Variants in TSPAN11 observed in about 807,000 individuals in gnomAD.
TSPAN11 encodes tetraspanin 11.
In TSPAN11, 29 loss-of-function variants were observed where a neutral mutation model predicts 32.9. That is an observed-to-expected ratio of 0.88 (90% confidence interval 0.66 to 1.20). TSPAN11 has a LOEUF of 1.20. Among genes scored for constraint, TSPAN11 ranks in the 50% most tolerant of loss-of-function variants. The pLI, the probability that TSPAN11 is intolerant of heterozygous loss-of-function variation, is 0.00. For synonymous variants in TSPAN11, 140 were observed against 141.3 expected, an observed-to-expected ratio of 0.99 and a Z score of 0.07; for missense variants, 283 against 329.1, an observed-to-expected ratio of 0.86 and a Z score of 1.08.
chr12:30,977,968 C>T (rs1474697588), intron 3 of TSPAN11, among the ~76,000 whole-genome samples: 1 of 152,190 alleles, frequency 6.6e-6, no homozygotes, highest in African/African-American at 2.4e-5. Context: ...TCACAGTCCA[C>T]GCTGGTCCCT....
intron 1 of TSPAN11, among the ~76,000 whole-genome samples, chr12:30,938,929 CCTT>C (rs1397241845): frequency 3.3e-5 from 5 of 152,272 alleles, no homozygotes; most frequent in Admixed American, 6.5e-5. Context: ...GCCTCAGCCT[CCTT>C]GTTTATAAAA....
the TSPAN11 span, among the ~76,000 whole-genome samples, chr12:31,007,602 G>A: frequency 6.6e-6 from 1 of 151,264 alleles, no homozygotes; most frequent in Admixed American, 6.6e-5. Context: ...TGGCCCCTCT[G>A]CCACCCTCAT....
the TSPAN11 span, among the ~76,000 whole-genome samples, chr12:31,010,918 A>G: frequency 6.6e-6 from 1 of 152,186 alleles, no homozygotes; most frequent in African/African-American, 2.4e-5. Flanking sequence ...GTTGTATTAT[A>G]AAGATCGAAC....
At chr12:30,940,935 C>T (rs1413055679) in intron 1 of TSPAN11, among the ~76,000 whole-genome samples, 1 of 152,172 alleles carries the variant, frequency 6.6e-6, no homozygotes, top group African/African-American at 2.4e-5. Flanking sequence ...CTCAGTTGCA[C>T]ACTCCTTGTG....
Position 30,958,856 on chromosome 12 carries a change from T to C in TSPAN11, c.84+4781T>C, listed in dbSNP as rs147918849. On this transcript the variant is annotated intron_variant, in intron 2 of 7. Coordinates refer to ENST00000546076, the MANE Select transcript of TSPAN11 (RefSeq NM_001370302.1). The stretch of plus-strand genomic sequence containing the variant: ...TGGCATCATTGTAGCAGGTGCACAG[T>C]GGGTATTGGTTGAAAGAAAGTATGA... Among the ~76,000 whole-genome samples, 619 of 151,878 alleles carry C rather than the reference T, an allele frequency of 4.1e-3. 8 individuals carry two copies. The highest frequency in any genetic ancestry group is 0.014 in the African/African-American group (596 of 41,400).
chr12:30,978,723 C>A, intron 4 of TSPAN11, 88 bp downstream of exon 4: 1 of 1,381,508 alleles, frequency 7.2e-7, no homozygotes, highest in Non-Finnish European at 1.0e-6. Context: ...ATGAGGGAAG[C>A]TGAGGAAGGC....
chr12:30,976,381 C>T (rs1348141617), intron 3 of TSPAN11, among the ~76,000 whole-genome samples: 1 of 152,168 alleles, frequency 6.6e-6, no homozygotes, highest in African/African-American at 2.4e-5. Flanking sequence ...TAATTTGCAC[C>T]TAAGCACTAG....
chr12:30,943,212 C>T (rs1938201759), intron 1 of TSPAN11, among the ~76,000 whole-genome samples: 1 of 152,178 alleles, frequency 6.6e-6, no homozygotes. Context: ...TCATTCTTAG[C>T]TTCCGCCAGA....
intron 7 of TSPAN11, among the ~76,000 whole-genome samples, chr12:30,989,561 T>G (rs1398840346): frequency 6.6e-6 from 1 of 152,070 alleles, no homozygotes; most frequent in Non-Finnish European, 1.5e-5. Flanking sequence ...AGAGGGGGAT[T>G]TGAGGCTCAG....
intron 2 of TSPAN11, among the ~76,000 whole-genome samples, chr12:30,962,360 T>C (rs2140291738): frequency 6.6e-6 from 1 of 152,290 alleles, no homozygotes; most frequent in Non-Finnish European, 1.5e-5. Flanking sequence ...GAGTCCTGGA[T>C]TTGCTCTCAG....
the TSPAN11 span, among the ~76,000 whole-genome samples, chr12:31,004,951 C>T: frequency 6.6e-6 from 1 of 152,218 alleles, no homozygotes; most frequent in African/African-American, 2.4e-5. Flanking sequence ...CTTCCCACTC[C>T]TCTCTCCACC....
At chr12:30,976,655 G>A (rs1472158840) in intron 3 of TSPAN11, among the ~76,000 whole-genome samples, 3 of 152,118 alleles carry the variant, frequency 2.0e-5, no homozygotes, top group African/African-American at 4.8e-5. Flanking sequence ...AGGGCAGAGG[G>A]AACATCCCCT....
chr12:30,982,576 C>A lies in TSPAN11; in HGVS notation c.501C>A (p.Ser167Arg). 1 of 1,612,986 alleles carries A rather than the reference C, an allele frequency of 6.2e-7. No individual in the cohort carries two copies. Among genetic ancestry groups the A allele is most frequent in the Non-Finnish European group, 8.5e-7 (1 of 1,179,650 alleles). The part of the protein sequence containing the change: ...GSNSSADWQH[S>R]TYILLREAEG... ...ACAGCTCAGCCGACTGGCAGCACAG[C>A]ACGTACATCCTGTTGCGGGAGGCCG... The change falls in exon 6 of 8, where the codon AGC (serine) becomes AGA (arginine). Residue 167 changes from serine (S) to arginine (R), a missense_variant. Coordinates refer to ENST00000546076, the MANE Select transcript of TSPAN11 (RefSeq NM_001370302.1).
chr12:31,012,365 C>T, the TSPAN11 span: 2 of 152,252 alleles, frequency 1.3e-5, no homozygotes, highest in East Asian at 1.9e-4. Context: ...ATACATTTCA[C>T]ACAACAGTCA....
intron 1 of TSPAN11, among the ~76,000 whole-genome samples, chr12:30,941,565 G>A (rs1938164583): frequency 6.6e-6 from 1 of 152,210 alleles, no homozygotes; most frequent in African/African-American, 2.4e-5. Flanking sequence ...AACAGAACTG[G>A]GACTAGAGCC....
intron 3 of TSPAN11, among the ~76,000 whole-genome samples, chr12:30,974,347 C>A (rs1282419815): frequency 6.6e-6 from 1 of 152,252 alleles, no homozygotes; most frequent in African/African-American, 2.4e-5. Context: ...GGAGACTGCC[C>A]TGCACCCAGT....
intron 5 of TSPAN11, among the ~76,000 whole-genome samples, chr12:30,981,993 C>T (rs1370129619): frequency 6.6e-6 from 1 of 152,178 alleles, no homozygotes; most frequent in African/African-American, 2.4e-5. Context: ...GTACAGATGA[C>T]CCCAGGTCTT....
chr12:30,982,962 C>G, intron 6 of TSPAN11, 102 bp from the exon 7 acceptor site: 2 of 1,329,214 alleles, frequency 1.5e-6, no homozygotes, highest in Non-Finnish European at 2.1e-6. Context: ...CCTGTGAGTC[C>G]TCTGGCCAGT....
At chr12:31,007,490 C>G in the TSPAN11 span, among the ~76,000 whole-genome samples, 12 of 152,038 alleles carry the variant, frequency 7.9e-5, no homozygotes, top group African/African-American at 2.7e-4. Flanking sequence ...CACAGCCCAT[C>G]ATATCCCCTG....
Sources: gnomAD v4.1 joint callset for allele counts (sites outside exome capture counted in the v4.1 genomes callset) on GRCh38, gnomAD v4.1.1 for gene constraint, MANE v1.5 for transcripts, NCBI Gene and HGNC (gene_info 2026-07-23, HGNC 2026-07-21) for gene names.